The following SEMA6D variants were observed in gnomAD, a reference collection of about 807,000 sequenced individuals.
SEMA6D encodes the protein semaphorin-6D.
In SEMA6D, 35 loss-of-function variants were observed where a neutral mutation model predicts 106.6. The ratio of observed to expected loss-of-function variants is 0.33; its 90% CI spans 0.25 to 0.44. SEMA6D has a LOEUF of 0.44. Ranked by LOEUF, SEMA6D falls within the 20% of genes least tolerant of loss-of-function variation. SEMA6D has a pLI of 1.00. For synonymous variants in SEMA6D, 499 were observed against 487.7 expected, an observed-to-expected ratio of 1.02 and a Z score of -0.31; for missense variants, 1,185 against 1,345.9, an observed-to-expected ratio of 0.88 and a Z score of 1.87.
At chr15:47,302,009 C>A (rs577997455) in intron 1 of SEMA6D, among the ~76,000 whole-genome samples, 1 of 152,288 alleles carries the variant, frequency 6.6e-6, no homozygotes, top group South Asian at 2.1e-4. Flanking sequence ...ATCACAAAAA[C>A]AGCAACAACA....
At chr15:47,560,957 TC>T (rs1199874951) in intron 3 of SEMA6D, among the ~76,000 whole-genome samples, 1 of 151,982 alleles carries the variant, frequency 6.6e-6, no homozygotes, top group Non-Finnish European at 1.5e-5. Context: ...ACATCTGCTT[TC>T]AGATTTCTAT....
At chr15:47,607,733 C>T (rs971604659) in intron 4 of SEMA6D, among the ~76,000 whole-genome samples, 5 of 152,158 alleles carry the variant, frequency 3.3e-5, no homozygotes, top group Non-Finnish European at 7.3e-5. Context: ...GAAATATGGG[C>T]TTGTAGCCCA....
At chr15:47,427,925 T>TTGTA (rs1295479245) in intron 2 of SEMA6D, among the ~76,000 whole-genome samples, 1 of 152,114 alleles carries the variant, frequency 6.6e-6, no homozygotes, top group East Asian at 1.9e-4. Context: ...GCCTGAGAAA[T>TTGTA]TGTATATTCT....
At chr15:47,413,332 T>G (rs549648414) in intron 2 of SEMA6D, among the ~76,000 whole-genome samples, 2 of 152,284 alleles carry the variant, frequency 1.3e-5, no homozygotes, top group East Asian at 3.9e-4. Flanking sequence ...CCTCGGTGGA[T>G]TCTTTGAACC....
At chr15:47,581,304 T>C (rs1028132483) in intron 3 of SEMA6D, 1 of 481,948 alleles carries the variant, frequency 2.1e-6, no homozygotes, top group African/African-American at 2.0e-5. Flanking sequence ...CAATTTCATG[T>C]GACATAGTGA....
chr15:47,241,818 T>C (rs539477789), intron 1 of SEMA6D, among the ~76,000 whole-genome samples: 1 of 152,256 alleles, frequency 6.6e-6, no homozygotes, highest in South Asian at 2.1e-4. Flanking sequence ...AGTAGGTTCC[T>C]GAATCTAAAA....
At chr15:47,751,808 C>T (rs2081452488) in intron 1 of SEMA6D, among the ~76,000 whole-genome samples, 2 of 151,940 alleles carry the variant, frequency 1.3e-5, no homozygotes, top group African/African-American at 4.8e-5. Flanking sequence ...TTACAGTTGT[C>T]TTAGGAATTG....
At chr15:47,473,435 C>T (rs1184374677) in intron 3 of SEMA6D, among the ~76,000 whole-genome samples, 1 of 152,130 alleles carries the variant, frequency 6.6e-6, no homozygotes, top group Non-Finnish European at 1.5e-5. Flanking sequence ...TGGAAGTCAT[C>T]TACATCACCT....
chr15:47,231,579 T>C (rs2032200169), intron 1 of SEMA6D, among the ~76,000 whole-genome samples: 1 of 152,048 alleles, frequency 6.6e-6, no homozygotes, highest in Non-Finnish European at 1.5e-5. Context: ...TTGTTGCTTA[T>C]ACTTTCCAGA....
intron 3 of SEMA6D, among the ~76,000 whole-genome samples, chr15:47,577,175 C>T (rs2076169966): frequency 6.6e-6 from 1 of 152,262 alleles, no homozygotes; most frequent in African/African-American, 2.4e-5. Context: ...AAGTCAGGCT[C>T]ATGAAATATG....
chr15:47,741,229 A>G (rs1023841273), intron 1 of SEMA6D, among the ~76,000 whole-genome samples: 2 of 152,146 alleles, frequency 1.3e-5, no homozygotes, highest in Admixed American at 6.5e-5. Flanking sequence ...CCATTATTTA[A>G]TTTTGTGACC....
At chr15:47,420,278 G>A (rs1201996900) in intron 2 of SEMA6D, among the ~76,000 whole-genome samples, 1 of 152,014 alleles carries the variant, frequency 6.6e-6, no homozygotes, top group African/African-American at 2.4e-5. Flanking sequence ...TATTGGGCTT[G>A]TCATATACAG....
chr15:47,515,950 G>A (rs180812450), intron 3 of SEMA6D, among the ~76,000 whole-genome samples: 6 of 152,254 alleles, frequency 3.9e-5, no homozygotes, highest in Non-Finnish European at 4.4e-5. Flanking sequence ...CACAGCCAAA[G>A]CTATAATTTG....
chr15:47,290,101 G>C (rs1026253667), intron 1 of SEMA6D, among the ~76,000 whole-genome samples: 12 of 152,266 alleles, frequency 7.9e-5, no homozygotes, highest in African/African-American at 2.9e-4. Context: ...CTATGGGACA[G>C]AATTATTTTT....
chr15:47,520,493 C>T (rs1202378891), intron 3 of SEMA6D, among the ~76,000 whole-genome samples: 1 of 152,164 alleles, frequency 6.6e-6, no homozygotes, highest in Non-Finnish European at 1.5e-5. Context: ...TGGACAAGAC[C>T]TACAGTAATG....
chr15:47,574,911 T>G (rs1002656906), intron 3 of SEMA6D, among the ~76,000 whole-genome samples: 80 of 152,192 alleles, frequency 5.3e-4, no homozygotes, highest in Non-Finnish European at 1.5e-5. Flanking sequence ...TACACTAATC[T>G]ACCTAGGAAA....
intron 1 of SEMA6D, among the ~76,000 whole-genome samples, chr15:47,755,409 G>A (rs2147481620): frequency 6.6e-6 from 1 of 152,080 alleles, no homozygotes; most frequent in South Asian, 2.1e-4. Flanking sequence ...TTCTATTGTG[G>A]TTTTTTCTCT....
At chr15:47,520,315 A>G (rs1386560928) in intron 3 of SEMA6D, among the ~76,000 whole-genome samples, 1 of 152,258 alleles carries the variant, frequency 6.6e-6, no homozygotes, top group Non-Finnish European at 1.5e-5. Flanking sequence ...TTGAGATCCA[A>G]AACTGCTGAG....
chr15:47,478,992 C>T (rs1466838990), intron 3 of SEMA6D, among the ~76,000 whole-genome samples: 2 of 151,922 alleles, frequency 1.3e-5, no homozygotes, highest in African/African-American at 4.8e-5. Flanking sequence ...TGTGAAATCC[C>T]CCACCACCCC....
Sources: allele counts gnomAD v4.1 joint callset (sites outside exome capture counted in the v4.1 genomes callset), GRCh38; gene constraint gnomAD v4.1.1; transcripts MANE v1.5; gene names NCBI Gene and HGNC (gene_info 2026-07-23, HGNC 2026-07-21).